LTBP1: variants seen among roughly 807,000 people sequenced by gnomAD.
LTBP1 encodes the protein latent transforming growth factor beta binding protein 1.
Under a neutral mutation model 207.6 loss-of-function variants are expected in LTBP1, and 129 were observed. That is an observed-to-expected ratio of 0.62 (90% CI 0.54 to 0.72). LTBP1 has a LOEUF of 0.72. Ranked by LOEUF, LTBP1 falls within the 30% of genes least tolerant of loss-of-function variation. LTBP1 has a pLI of 0.00. For synonymous variants in LTBP1, 963 were observed against 833.7 expected (o/e 1.16, Z -2.67); for missense variants, 2,281 against 2,217.2 (o/e 1.03, Z -0.58).
At chr2:33,345,825 GA>G (rs949099935) in intron 25 of LTBP1, among the ~76,000 whole-genome samples, 2 of 151,982 alleles carry the variant, frequency 1.3e-5, no homozygotes, top group African/African-American at 2.4e-5. Context: ...GTATGCTCAT[GA>G]AAGCTGATGT....
At chr2:33,133,973 C>T (rs115040509) in intron 4 of LTBP1, among the ~76,000 whole-genome samples, 2,946 of 152,194 alleles carry the variant, frequency 0.019, 41 homozygotes, top group Middle Eastern at 0.041. Flanking sequence ...GATAGCATTT[C>T]GTTTTTAAGA....
chr2:33,018,318 C>G (rs2038535), intron 2 of LTBP1, among the ~76,000 whole-genome samples: 3 of 151,930 alleles, frequency 2.0e-5, no homozygotes, highest in Admixed American at 1.3e-4. Flanking sequence ...TTGGCCTCCC[C>G]CTAGGTGCCA....
At chr2:32,961,602 C>T (rs569401134) in intron 2 of LTBP1, among the ~76,000 whole-genome samples, 5 of 152,160 alleles carry the variant, frequency 3.3e-5, no homozygotes, top group South Asian at 2.1e-4. Flanking sequence ...TCATTGACTC[C>T]GCCTGCCATT....
intron 9 of LTBP1, among the ~76,000 whole-genome samples, chr2:33,239,751 A>AG (rs965628919): frequency 7.9e-5 from 12 of 151,122 alleles, no homozygotes; most frequent in African/African-American, 2.9e-4. Context: ...AAAAAAAAAA[A>AG]AAATTAGCTG....
At chr2:33,094,604 A>G (rs148390701) in intron 3 of LTBP1, among the ~76,000 whole-genome samples, 20 of 152,310 alleles carry the variant, frequency 1.3e-4, no homozygotes, top group Admixed American at 1.2e-3. Flanking sequence ...TGAGTTACAG[A>G]TAAGGTCTGG....
At chr2:33,182,920 GA>G (rs1366036416) in intron 5 of LTBP1, among the ~76,000 whole-genome samples, 2 of 149,260 alleles carry the variant, frequency 1.3e-5, no homozygotes, top group Non-Finnish European at 3.0e-5. Context: ...ATAGGGAAAT[GA>G]AAAAAATAGT....
At chr2:33,336,648 C>A (rs1252053115) in intron 24 of LTBP1, among the ~76,000 whole-genome samples, 1 of 152,184 alleles carries the variant, frequency 6.6e-6, no homozygotes, top group Non-Finnish European at 1.5e-5. Context: ...TTCCCACTAT[C>A]CACTTCTCTG....
At chr2:32,976,881 G>C (rs761670549) in intron 2 of LTBP1, among the ~76,000 whole-genome samples, 2 of 152,186 alleles carry the variant, frequency 1.3e-5, no homozygotes, top group African/African-American at 2.4e-5. Context: ...GCTAGGAGCC[G>C]TGAGGGTGAG....
At chr2:33,301,688 G>A (rs940768267) in intron 22 of LTBP1, 44 bp downstream of exon 22, 37 of 1,505,710 alleles carry the variant, frequency 2.5e-5, no homozygotes, top group Middle Eastern at 1.8e-4. Flanking sequence ...TGCCCAGATC[G>A]GAGGGAAATC....
chr2:33,107,905 C>CT (rs913079260), intron 3 of LTBP1, among the ~76,000 whole-genome samples: 6 of 151,738 alleles, frequency 4.0e-5, no homozygotes, highest in Non-Finnish European at 8.8e-5. Context: ...GATAGTAAAG[C>CT]TTTTTTTTCT....
At chr2:33,280,273 A>G (rs753374828) in intron 19 of LTBP1, 115 bp downstream of exon 19, 2 of 1,103,134 alleles carry the variant, frequency 1.8e-6, no homozygotes, top group Non-Finnish European at 2.4e-6. Flanking sequence ...GAAATCTTAC[A>G]TCATTCTAAG....
In LTBP1 at chr2:33,352,970, CTTTTTTTTTT is replaced by C. The variant is rs61357622; in HGVS notation, c.4000+5477_4000+5486del. On this transcript the variant is annotated intron_variant, in intron 26 of 33. Coordinates refer to ENST00000404816, the MANE Select transcript of LTBP1 (RefSeq NM_206943.4). ...TGTGCCCTCCCCCTTGTAAGCCTTTCTTTTTTTTTTTTTTTTTTTTTTTTTTGAGACAGAG... is the reference window on the plus strand; with the variant it reads ...TGTGCCCTCCCCCTTGTAAGCCTTTCTTTTTTTTTTTTTTTTGAGACAGAG... 3.2e-5 allele frequency among the ~76,000 whole-genome samples: 3 copies of C among 93,220 alleles called. No homozygotes were observed. The South Asian group carries it at 1.2e-3, about 39-fold the overall frequency. The allele number at this position is 93,220 out of a possible 152,430, so 61.2% of individuals were successfully genotyped here.
chr2:33,203,627 A>AT (rs1010918150), intron 7 of LTBP1, among the ~76,000 whole-genome samples: 1 of 151,780 alleles, frequency 6.6e-6, no homozygotes, highest in African/African-American at 2.4e-5. Flanking sequence ...CTCCTCTCAG[A>AT]TTTTTTTTCA....
intron 5 of LTBP1, among the ~76,000 whole-genome samples, chr2:33,183,845 G>C (rs2086908134): frequency 6.6e-6 from 1 of 152,178 alleles, no homozygotes; most frequent in Admixed American, 6.5e-5. Context: ...AGACCTCACA[G>C]AGTAGTTTGG....
At chr2:33,057,845 C>T (rs372803302) in intron 3 of LTBP1, among the ~76,000 whole-genome samples, 30 of 152,368 alleles carry the variant, frequency 2.0e-4, no homozygotes, top group African/African-American at 6.7e-4. Flanking sequence ...GAGGCGGCTC[C>T]GGCCTCGGCC....
intron 5 of LTBP1, among the ~76,000 whole-genome samples, chr2:33,164,619 G>A (rs2084765474): frequency 6.6e-6 from 1 of 151,950 alleles, no homozygotes; most frequent in African/African-American, 2.4e-5. Context: ...GATGTCATTT[G>A]GAATAAAAAA....
chr2:33,265,154 AG>A (rs1192443270), intron 15 of LTBP1, among the ~76,000 whole-genome samples: 1 of 152,188 alleles, frequency 6.6e-6, no homozygotes, highest in African/African-American at 2.4e-5. Flanking sequence ...AACAATTCAA[AG>A]GCCTTTTTCT....
chr2:33,149,546 G>A (rs958557202), intron 5 of LTBP1, among the ~76,000 whole-genome samples: 9 of 152,158 alleles, frequency 5.9e-5, no homozygotes, highest in Non-Finnish European at 1.0e-4. Flanking sequence ...CACATGTGTT[G>A]ACCTAGTCAA....
At chr2:33,235,585 T>C (rs1308243278) in intron 9 of LTBP1, among the ~76,000 whole-genome samples, 1 of 152,198 alleles carries the variant, frequency 6.6e-6, no homozygotes, top group Non-Finnish European at 1.5e-5. Context: ...ATCATTCTAC[T>C]ATAAAGACAC....
Sources: allele counts gnomAD v4.1 joint callset (sites outside exome capture counted in the v4.1 genomes callset), GRCh38; gene constraint gnomAD v4.1.1; transcripts MANE v1.5; gene names NCBI Gene and HGNC (gene_info 2026-07-23, HGNC 2026-07-21).